Variants in PCDHGA1 observed in about 807,000 individuals in gnomAD.
PCDHGA1 encodes the protein protocadherin gamma-A1.
PCDHGA1 carries 32 observed loss-of-function variants against 58.0 expected under a neutral mutation model. The ratio of observed to expected loss-of-function variants is 0.55; its 90% confidence interval spans 0.42 to 0.74. The LOEUF (loss-of-function observed/expected upper bound fraction) is 0.74. PCDHGA1 is among the 30% of genes least tolerant of loss of function. The pLI, the probability that PCDHGA1 is intolerant of heterozygous loss-of-function variation, is 0.00. For synonymous variants in PCDHGA1, 498 were observed against 501.1 expected (o/e 0.99, Z 0.08); for missense variants, 1,205 against 1,182.3 (o/e 1.02, Z -0.28).
intron 1 of PCDHGA1, chr5:141,374,792 G>A (rs1588751016): frequency 6.2e-7 from 1 of 1,613,898 alleles, no homozygotes; most frequent in Non-Finnish European, 8.5e-7. Context: ...AGATGTGAAT[G>A]ACAACACTCC....
At chr5:141,400,551 T>G in intron 1 of PCDHGA1, 1 of 1,613,726 alleles carries the variant, frequency 6.2e-7, no homozygotes, top group Non-Finnish European at 8.5e-7. Context: ...TCTATTCTTT[T>G]TCATTACCCA....
intron 1 of PCDHGA1, chr5:141,373,906 A>T: frequency 1.7e-6 from 1 of 604,222 alleles, no homozygotes; most frequent in South Asian, 4.3e-5. Context: ...ACATCCTCCA[A>T]CAACAAAGCA....
At chr5:141,393,154 G>GA in intron 1 of PCDHGA1, 1 of 1,613,294 alleles carries the variant, frequency 6.2e-7, no homozygotes, top group Non-Finnish European at 8.5e-7. Flanking sequence ...GAGGATAAAG[G>GA]AAAACTCTTT....
chr5:141,382,576 G>A (rs1778302308), intron 1 of PCDHGA1, among the ~76,000 whole-genome samples: 1 of 152,162 alleles, frequency 6.6e-6, no homozygotes, highest in Non-Finnish European at 1.5e-5. Context: ...ATCTAACAGG[G>A]AAATTTTGAA....
intron 1 of PCDHGA1, among the ~76,000 whole-genome samples, chr5:141,429,880 G>A (rs1209368869): frequency 6.6e-6 from 1 of 152,104 alleles, no homozygotes; most frequent in Non-Finnish European, 1.5e-5. Context: ...CTTTTACTAA[G>A]TTTCCTGAAC....
intron 1 of PCDHGA1, chr5:141,423,760 G>GGT: frequency 7.2e-6 from 2 of 279,662 alleles, no homozygotes; most frequent in Non-Finnish European, 1.1e-5. Context: ...TGGGGGGGGG[G>GGT]TGGGGCGGCA....
intron 1 of PCDHGA1, chr5:141,384,667 A>G: frequency 6.2e-7 from 1 of 1,614,186 alleles, no homozygotes. Context: ...CCTGGTGACC[A>G]AGGTGGTGGC....
intron 1 of PCDHGA1, among the ~76,000 whole-genome samples, chr5:141,347,255 G>A (rs1757941277): frequency 1.3e-5 from 2 of 151,576 alleles, no homozygotes; most frequent in African/African-American, 4.9e-5. Context: ...GCAGACTCAA[G>A]TGATCCTCCC....
chr5:141,364,207 C>A, intron 1 of PCDHGA1: 1 of 1,184,312 alleles, frequency 8.4e-7, no homozygotes, highest in Non-Finnish European at 1.2e-6. Context: ...ACCAGACAAG[C>A]TCCTACGAAA....
At chr5:141,385,961 C>T (rs1446108095) in intron 1 of PCDHGA1, 2 of 152,166 alleles carry the variant, frequency 1.3e-5, no homozygotes, top group African/African-American at 2.4e-5. Context: ...CACTAAAGGC[C>T]ATCGGACAAA....
intron 1 of PCDHGA1, chr5:141,385,334 C>A: frequency 6.3e-7 from 1 of 1,581,530 alleles, no homozygotes; most frequent in Non-Finnish European, 8.6e-7. Context: ...GTGAGCCCAG[C>A]CCTTCCTTTA....
rs776965684 is a variant in PCDHGA1, at chr5:141,355,402, T to A, written c.2421+22297T>A. 2.2e-5 allele frequency: 36 copies of A among 1,613,938 alleles called. No individual in the cohort carries two copies. The highest frequency in any genetic ancestry group is 1.6e-4 in the Middle Eastern group (1 of 6,082). ...GGCGGAGCGCGGAGTCCGCATCGTC[T>A]CCAGAGGTAGGACGCAGCTTTTCGC... is the stretch of plus-strand genomic sequence containing the variant. On this transcript the variant is annotated intron_variant, in intron 1 of 3. Coordinates refer to ENST00000517417, the MANE Select transcript of PCDHGA1 (RefSeq NM_018912.3).
chr5:141,417,185 A>C (rs2096092787), intron 1 of PCDHGA1: 1 of 152,216 alleles, frequency 6.6e-6, no homozygotes, highest in Admixed American at 6.5e-5. Context: ...AGGAATTATT[A>C]CTTTCTGGGT....
Position 141,330,731 on chromosome 5 carries a change from T to C in PCDHGA1, c.47T>C (p.Leu16Pro). ...KLTGCSRLML[L>P]CLSLELLLEA... is the part of the protein sequence containing the mutation. ...ACTGGCTGCAGCAGGCTGATGCTTCTGTGTCTTTCTCTGGAGCTGCTGTTG... is the reference window on the plus strand; with the variant it reads ...ACTGGCTGCAGCAGGCTGATGCTTCCGTGTCTTTCTCTGGAGCTGCTGTTG... Residue 16 changes from leucine (L) to proline (P), a missense_variant, in exon 1 of 4, where the codon CTG becomes CCG. By Grantham distance (98) the Leu-to-Pro change is moderately conservative. Transcript: ENST00000517417. 6.2e-7 allele frequency: 1 copy of C among 1,613,590 alleles called. No homozygotes were observed. The highest frequency in any genetic ancestry group is 8.5e-7 in the Non-Finnish European group (1 of 1,179,532).
chr5:141,397,223 T>G (rs144227558), intron 1 of PCDHGA1, among the ~76,000 whole-genome samples: 2 of 152,186 alleles, frequency 1.3e-5, no homozygotes, highest in Admixed American at 6.5e-5. Context: ...TATTTTGAGA[T>G]ATGAAGAAGA....
Position 141,415,578 on chromosome 5 carries a change from G to A in PCDHGA1, c.2422-79229G>A, listed in dbSNP as rs372519745. On this transcript the variant is annotated intron_variant, in intron 1 of 3. Transcript: ENST00000517417. ...ATCCTTTGTCTTTGTTAGATGATTCGAAGTTTCCTATAGAGGATACCCCAT... is the reference window on the plus strand; with the variant it reads ...ATCCTTTGTCTTTGTTAGATGATTCAAAGTTTCCTATAGAGGATACCCCAT... 678 of 1,613,890 alleles carry A rather than the reference G, an allele frequency of 4.2e-4. 10 individuals are homozygous for A. In the South Asian group the frequency reaches 6.8e-3, roughly 16 times the overall value.
chr5:141,400,780 T>C, intron 1 of PCDHGA1: 1 of 566,270 alleles, frequency 1.8e-6, no homozygotes, highest in Non-Finnish European at 3.1e-6. Context: ...TGGTGCGTTT[T>C]TTTGTCCTCT....
At chr5:141,353,106 T>A (rs1273542559) in intron 1 of PCDHGA1, among the ~76,000 whole-genome samples, 1 of 152,186 alleles carries the variant, frequency 6.6e-6, no homozygotes, top group Non-Finnish European at 1.5e-5. Context: ...ACTAGATAGA[T>A]GGAGATTGCT....
At chr5:141,357,213 C>G (rs1448825972) in intron 1 of PCDHGA1, 3 of 1,613,766 alleles carry the variant, frequency 1.9e-6, no homozygotes, top group African/African-American at 1.3e-5. Context: ...TCCCAGATGT[C>G]CTGGCTGACT....
Sources: gnomAD v4.1 joint callset for allele counts (sites outside exome capture counted in the v4.1 genomes callset) on GRCh38, gnomAD v4.1.1 for gene constraint, MANE v1.5 for transcripts, NCBI Gene and HGNC (gene_info 2026-07-23, HGNC 2026-07-21) for gene names.